PLEKHA7: variants seen among roughly 807,000 people sequenced by gnomAD.
PLEKHA7 encodes the protein pleckstrin homology domain containing A7.
PLEKHA7 carries 104 observed loss-of-function variants against 170.0 expected under a neutral mutation model. The ratio of observed to expected loss-of-function variants is 0.61; its 90% CI spans 0.52 to 0.72. The LOEUF (loss-of-function observed/expected upper bound fraction) is 0.72, where lower values mean the gene tolerates loss of function less well. PLEKHA7 is among the 30% of genes least tolerant of loss of function. The pLI is 0.00. For synonymous variants in PLEKHA7, 648 were observed against 660.8 expected, an observed-to-expected ratio of 0.98 and a Z score of 0.30; for missense variants, 1,615 against 1,671.7, an observed-to-expected ratio of 0.97 and a Z score of 0.59.
chr11:16,981,625 G>A (rs1863431522), intron 3 of PLEKHA7, among the ~76,000 whole-genome samples: 1 of 152,098 alleles, frequency 6.6e-6, no homozygotes, highest in Admixed American at 6.5e-5. Flanking sequence ...GCTGCTAATA[G>A]TAGACGGGGT....
chr11:16,959,545 G>A (rs16933702), intron 3 of PLEKHA7, among the ~76,000 whole-genome samples: 1 of 152,122 alleles, frequency 6.6e-6, no homozygotes, highest in Non-Finnish European at 1.5e-5. Context: ...GAGAGGCCAG[G>A]CCCATAGTGA....
At chr11:16,987,749 G>C (rs1440087796) in intron 3 of PLEKHA7, among the ~76,000 whole-genome samples, 1 of 152,152 alleles carries the variant, frequency 6.6e-6, no homozygotes, top group East Asian at 1.9e-4. Context: ...TCCCCACGAA[G>C]GCTTCCTGGA....
rs751830664 is a variant in PLEKHA7 at position 17,014,299 on chromosome 11, G to T, written c.86+17C>A. The T allele has an allele frequency of 1.0e-5, 14 of 1,378,344 alleles. No homozygotes were observed. Among genetic ancestry groups the T allele is most frequent in the Non-Finnish European group, 1.2e-5 (13 of 1,043,090 alleles). 85.4% of individuals were successfully genotyped at this position (1,378,344 alleles called of 1,614,324 possible). ...CCCCCACCCGCGTCCCCGCGTCCCC[G>T]GGTCCTCGCGCCGCACTTGATGAAG... On this transcript the variant is annotated intron_variant, in intron 1 of 26. Coordinates refer to ENST00000531066, the MANE Select transcript of PLEKHA7 (RefSeq NM_001329630.2).
intron 3 of PLEKHA7, among the ~76,000 whole-genome samples, chr11:17,007,530 A>G (rs75561350): frequency 0.051 from 7,698 of 151,136 alleles, 385 homozygotes; most frequent in East Asian, 0.15. Context: ...CAAGGGAAAA[A>G]CTACAGAAGA....
chr11:16,859,375 T>TA (rs1042906058), intron 4 of PLEKHA7, among the ~76,000 whole-genome samples: 7 of 152,154 alleles, frequency 4.6e-5, no homozygotes, highest in Admixed American at 2.0e-4. Flanking sequence ...AACAACTAGT[T>TA]AAAAAAAATG....
chr11:16,987,033 G>A (rs1005977470), intron 3 of PLEKHA7, among the ~76,000 whole-genome samples: 2 of 152,200 alleles, frequency 1.3e-5, no homozygotes, highest in African/African-American at 4.8e-5. Flanking sequence ...GAAGCAGTGA[G>A]CTGTTTTACA....
Position 16,803,217 on chromosome 11 carries a change from G to T in PLEKHA7, c.2076+10C>A. 1 of 1,612,050 alleles carries T rather than the reference G, an allele frequency of 6.2e-7. No individual in the cohort carries two copies. Among genetic ancestry groups the T allele is most frequent in the Non-Finnish European group, 8.5e-7 (1 of 1,178,094 alleles). ...AGCTGAGGGGTCAGCGTGTCACTCT[G>T]CTCACTCACGTCAGTGTCGCTCTCA... On this transcript the variant is annotated intron_variant, in intron 14 of 26. Coordinates refer to ENST00000531066, the MANE Select transcript of PLEKHA7 (RefSeq NM_001329630.2).
intron 3 of PLEKHA7, among the ~76,000 whole-genome samples, chr11:16,971,633 A>G (rs1216980113): frequency 6.6e-6 from 1 of 152,194 alleles, no homozygotes. Context: ...GGCTTTGTTA[A>G]ATGTTTCTCT....
At chr11:16,781,013 G>T (rs1051895227) in intron 26 of PLEKHA7, 74 of 986,248 alleles carry the variant, frequency 7.5e-5, no homozygotes, top group Non-Finnish European at 8.7e-5. Context: ...CGTCCTGGAA[G>T]ACAGGGGGCC....
intron 3 of PLEKHA7, among the ~76,000 whole-genome samples, chr11:16,963,243 G>T (rs966913852): frequency 6.6e-6 from 1 of 152,226 alleles, no homozygotes; most frequent in African/African-American, 2.4e-5. Context: ...GTATTTTCTA[G>T]ACTTCAGCAT....
At chr11:16,897,810 C>T (rs1272909350) in intron 3 of PLEKHA7, among the ~76,000 whole-genome samples, 1 of 152,150 alleles carries the variant, frequency 6.6e-6, no homozygotes, top group East Asian at 1.9e-4. Context: ...ACACATTTGG[C>T]TCAAATGTGA....
intron 17 of PLEKHA7, among the ~76,000 whole-genome samples, chr11:16,797,941 G>A (rs182601708): frequency 3.9e-4 from 59 of 152,274 alleles, no homozygotes; most frequent in Non-Finnish European, 7.3e-4. Flanking sequence ...CTTCTCCAAC[G>A]GTGATGGAAT....
At chr11:16,905,239 A>G (rs1382040309) in intron 3 of PLEKHA7, among the ~76,000 whole-genome samples, 2 of 152,240 alleles carry the variant, frequency 1.3e-5, no homozygotes, top group African/African-American at 2.4e-5. Context: ...GTGTCAGAGC[A>G]GGAAGATCCT....
intron 3 of PLEKHA7, among the ~76,000 whole-genome samples, chr11:16,884,296 T>TA (rs1005550919): frequency 2.0e-5 from 3 of 152,148 alleles, no homozygotes; most frequent in Non-Finnish European, 1.5e-5. Context: ...ACTCAGATTG[T>TA]AAAAAATCAG....
intron 3 of PLEKHA7, among the ~76,000 whole-genome samples, chr11:16,976,744 G>A (rs999166794): frequency 5.9e-5 from 9 of 152,324 alleles, no homozygotes; most frequent in Admixed American, 2.0e-4. Context: ...TTCTTAGAGC[G>A]GTTCGGATGT....
In PLEKHA7 at chr11:16,829,183, A is replaced by AC. The variant is rs558900881; in HGVS notation, c.873-2594_873-2593insG. Among the ~76,000 whole-genome samples, 12 of 151,888 alleles carry AC rather than the reference A, an allele frequency of 7.9e-5. No homozygotes were observed. The South Asian group carries it at 2.3e-3, about 29-fold the overall frequency. On this transcript the variant is annotated intron_variant, in intron 9 of 26. Coordinates refer to ENST00000531066, the MANE Select transcript of PLEKHA7 (RefSeq NM_001329630.2). ...TTTTAATTAGCTCTGCTAATTAAAA[A>AC]AAAAAAAAATCTGTAGAGACTGGGT...
intron 3 of PLEKHA7, among the ~76,000 whole-genome samples, chr11:16,891,792 A>C (rs10766355): frequency 1.3e-5 from 2 of 152,034 alleles, no homozygotes; most frequent in Non-Finnish European, 2.9e-5. Flanking sequence ...GGAGAGACAG[A>C]CCAGGGCTGT....
chr11:16,782,110 GACACACAGACACACATACAC>G lies in PLEKHA7; in HGVS notation c.3793+624_3793+643del, dbSNP rs1352464169. Among the ~76,000 whole-genome samples, 5 of 150,538 alleles carry G rather than the reference GACACACAGACACACATACAC, an allele frequency of 3.3e-5. No individual in the cohort carries two copies. The East Asian group carries it at 6.2e-4, about 19-fold the overall frequency. ...ACATACACACAGTCACACACACACA[GACACACAGACACACATACAC>G]ACACACATAGACACACATTGAGACA... On this transcript the variant is annotated intron_variant, in intron 26 of 26. Coordinates refer to ENST00000531066, the MANE Select transcript of PLEKHA7 (RefSeq NM_001329630.2).
chr11:16,825,588 A>T (rs181233002), intron 10 of PLEKHA7, among the ~76,000 whole-genome samples: 4 of 152,372 alleles, frequency 2.6e-5, no homozygotes, highest in African/African-American at 9.6e-5. Context: ...GTGCTTGGCA[A>T]ATAGCAAGAG....
Sources: gnomAD v4.1 joint callset for allele counts (sites outside exome capture counted in the v4.1 genomes callset) on GRCh38, gnomAD v4.1.1 for gene constraint, MANE v1.5 for transcripts, NCBI Gene and HGNC (gene_info 2026-07-23, HGNC 2026-07-21) for gene names.